The following CD69 variants were observed in gnomAD, a reference collection of about 807,000 sequenced individuals.
CD69 encodes the protein early activation antigen CD69.
A neutral mutation model predicts 21.4 loss-of-function variants in CD69; 10 were observed. The ratio of observed to expected loss-of-function variants is 0.47; its 90% confidence interval spans 0.29 to 0.79. The LOEUF (loss-of-function observed/expected upper bound fraction) is 0.79. CD69 is among the 30% of genes least tolerant of loss of function. The probability of loss-of-function intolerance (pLI) is 0.09; values close to 1 mark genes in which losing one functional copy is unlikely to be tolerated. For synonymous variants in CD69, 63 were observed against 78.2 expected (o/e 0.81, Z 1.03); for missense variants, 204 against 236.9 (o/e 0.86, Z 0.91).
At position 9,758,961 on chromosome 12, in the gene CD69, G is replaced by T. The variant is rs574555328; in HGVS notation, c.64+1796C>A. Among the ~76,000 whole-genome samples the T allele has an allele frequency of 2.7e-4, 41 of 151,614 alleles. No individual in the cohort carries two copies. The South Asian group carries it at 6.5e-3, about 24-fold the overall frequency. ...TATTTATTTTTTGAGACGGAGTCTCGCTCTGTCGTCCAGGCTGGAGTGCAG... is the reference window on the plus strand; with the variant it reads ...TATTTATTTTTTGAGACGGAGTCTCTCTCTGTCGTCCAGGCTGGAGTGCAG... On this transcript the variant is annotated intron_variant, in intron 1 of 4. Coordinates refer to ENST00000228434, the MANE Select transcript of CD69 (RefSeq NM_001781.2).
At chr12:9,757,284 A>G (rs1866687494) in intron 1 of CD69, among the ~76,000 whole-genome samples, 1 of 152,206 alleles carries the variant, frequency 6.6e-6, no homozygotes, top group African/African-American at 2.4e-5. Flanking sequence ...GTTGCTGCAG[A>G]TGTGGAGCAA....
chr12:9,756,320 A>G lies in CD69; in HGVS notation c.164T>C (p.Ile55Thr), dbSNP rs144675038. Reference protein sequence around the residue: ...VMNVVFITILIIALIALSVGQ... With the variant: ...VMNVVFITILTIALIALSVGQ... Reference sequence around the variant, plus strand: ...ACCTGATAAGGCAATGAGAGCTATGATTAAAATGGTGATGAAGACCACATT... The same window carrying G: ...ACCTGATAAGGCAATGAGAGCTATGGTTAAAATGGTGATGAAGACCACATT... The change falls in exon 2 of 5, where the codon ATC becomes ACC. Residue 55 changes from isoleucine (I) to threonine (T), a missense_variant. Transcript: ENST00000228434. 9.4e-5 allele frequency: 152 copies of G among 1,613,614 alleles called. No homozygotes were observed. The highest frequency in any genetic ancestry group is 1.2e-4 in the Non-Finnish European group (145 of 1,179,768).
At chr12:9,755,352 G>A in intron 2 of CD69, 91 bp from the exon 3 acceptor site, 1 of 1,044,292 alleles carries the variant, frequency 9.6e-7, no homozygotes, top group Non-Finnish European at 1.5e-6. Flanking sequence ...TGTTGTGCTA[G>A]GTGGTGATAA....
rs191540335 is a variant in CD69, at chr12:9,759,129, T to C, written c.64+1628A>G. Among the ~76,000 whole-genome samples the C allele has an allele frequency of 2.8e-3, 431 of 152,120 alleles. 3 individuals are homozygous for C. Among genetic ancestry groups the C allele is most frequent in the Middle Eastern group, 0.027 (8 of 292 alleles). On this transcript the variant is annotated intron_variant, in intron 1 of 4. Coordinates refer to ENST00000228434, the MANE Select transcript of CD69 (RefSeq NM_001781.2). ...TATTTTTAGTACAGACGGGGTTTCA[T>C]CGTGTTAGCCAGGATGGTCTCCATC...
intron 1 of CD69, among the ~76,000 whole-genome samples, chr12:9,757,976 G>C (rs1347230779): frequency 6.6e-6 from 1 of 151,980 alleles, no homozygotes. Context: ...TAAAATAATA[G>C]AGGAAATGTA....
rs78766644 is a variant in CD69 at position 9,759,905 on chromosome 12, G to A, written c.64+852C>T. ...GCAAAATCCCAGTAACAGGAAATAAGCTAGATATGTGGATAGAATAGACAA... is the reference window on the plus strand; with the variant it reads ...GCAAAATCCCAGTAACAGGAAATAAACTAGATATGTGGATAGAATAGACAA... On this transcript the variant is annotated intron_variant, in intron 1 of 4. Transcript: ENST00000228434. Among the ~76,000 whole-genome samples, 1,514 of 152,212 alleles carry A rather than the reference G, an allele frequency of 9.9e-3. 24 individuals carry two copies. The highest frequency in any genetic ancestry group is 0.035 in the African/African-American group (1,445 of 41,528).
intron 1 of CD69, among the ~76,000 whole-genome samples, chr12:9,758,843 T>A (rs1847114362): frequency 2.6e-5 from 4 of 152,142 alleles, no homozygotes; most frequent in African/African-American, 9.7e-5. Context: ...GGTTCCAGAG[T>A]CTCAGTCAGC....
At chr12:9,760,573 T>C (rs770947416) in intron 1 of CD69, among the ~76,000 whole-genome samples, 184 bp downstream of exon 1, 2 of 152,242 alleles carry the variant, frequency 1.3e-5, no homozygotes, top group Non-Finnish European at 2.9e-5. Context: ...CTGTCTTCTC[T>C]AAAAGACAAA....
chr12:9,753,739 C>A, intron 4 of CD69, 150 bp from the exon 5 acceptor site: 1 of 363,020 alleles, frequency 2.8e-6, no homozygotes, highest in East Asian at 3.9e-5. Context: ...TCTGTAGAGA[C>A]AATGGACAAG....
intron 1 of CD69, among the ~76,000 whole-genome samples, chr12:9,758,241 G>A (rs1866697892): frequency 6.6e-6 from 1 of 152,090 alleles, no homozygotes; most frequent in South Asian, 2.1e-4. Flanking sequence ...AATTTTGCAG[G>A]ATGAGCTGTC....
intron 1 of CD69, among the ~76,000 whole-genome samples, chr12:9,759,091 G>A (rs3136565): frequency 0.11 from 16,040 of 151,198 alleles, 853 homozygotes; most frequent in Middle Eastern, 0.18. Context: ...CCCCACGCCC[G>A]GCTAACTTTT....
chr12:9,756,562 G>T, intron 1 of CD69, 143 bp from the exon 2 acceptor site: 1 of 658,844 alleles, frequency 1.5e-6, no homozygotes, highest in Non-Finnish European at 2.4e-6. Flanking sequence ...AAATTTCTAA[G>T]TTAATTTACC....
rs144700824 is a variant in CD69, at chr12:9,754,627, G to C, written c.451C>G (p.His151Asp). ...TTGCCATTTGACCACTTCCATGGGT[G>C]ACCAGGTTCCTTTTTCAGTCCAACC... ...HWVGLKKEPGHPWKWSNGKEF... is the reference protein window; with the variant it reads ...HWVGLKKEPGDPWKWSNGKEF... Residue 151 changes from histidine (H) to aspartate (D), a missense_variant, in exon 4 of 5, where the codon CAC becomes GAC. Physicochemically the swap from His to Asp is moderately conservative, Grantham distance 81. Transcript: ENST00000228434. The C allele has an allele frequency of 2.9e-4, 472 of 1,612,612 alleles. 3 individuals are homozygous for C. The East Asian group carries it at 7.3e-3, about 25-fold the overall frequency.
At chr12:9,754,330 G>T (rs1866657644) in intron 4 of CD69, 1 of 250,446 alleles carries the variant, frequency 4.0e-6, no homozygotes, top group African/African-American at 2.3e-5. Context: ...AAATTAACCA[G>T]ATCTACTACT....
Position 9,753,522 on chromosome 12 carries a change from C to T in CD69, c.559G>A (p.Glu187Lys). 6.3e-7 allele frequency: 1 copy of T among 1,577,568 alleles called. No individual in the cohort carries two copies. Among genetic ancestry groups the T allele is most frequent in the South Asian group, 1.1e-5 (1 of 89,744 alleles). ...KNTEVSSMEC[E>K]KNLYWICNKP... Reference sequence around the variant, plus strand: ...TTACATATCCAGTATAAATTCTTCTCACATTCCATGCTGCTGACCTCTGTG... The same window carrying T: ...TTACATATCCAGTATAAATTCTTCTTACATTCCATGCTGCTGACCTCTGTG... The change falls in exon 5 of 5, where the codon GAG (glutamate) becomes AAG (lysine). Residue 187 changes from glutamate to lysine, a missense_variant. Glu to Lys is a moderately conservative substitution (Grantham distance 56, BLOSUM62 1). Coordinates refer to ENST00000228434, the MANE Select transcript of CD69 (RefSeq NM_001781.2).
Position 9,753,608 on chromosome 12 carries a change from A to G in CD69, c.492-19T>C. 2 of 1,189,136 alleles carry G rather than the reference A, an allele frequency of 1.7e-6. No individual in the cohort carries two copies. The highest frequency in any genetic ancestry group is 2.5e-6 in the Non-Finnish European group (2 of 812,618). 73.7% of individuals were successfully genotyped at this position (1,189,136 alleles called of 1,614,324 possible). A position where few individuals can be genotyped will look rare whatever the true frequency, so the allele number is the denominator to read the frequency against. On this transcript the variant is annotated intron_variant, in intron 4 of 4. Coordinates refer to ENST00000228434, the MANE Select transcript of CD69 (RefSeq NM_001781.2). ...GTTGAACCTGTCAAACAATAAAAAA[A>G]CTTAGAATTATTTTCAGCTCATTGT...
Position 9,756,339 on chromosome 12 carries a change from C to T in CD69, c.145G>A (p.Val49Ile), listed in dbSNP as rs1462435071. 2 of 1,613,220 alleles carry T rather than the reference C, an allele frequency of 1.2e-6. No individual in the cohort carries two copies. Among genetic ancestry groups the T allele is most frequent in the Admixed American group, 3.3e-5 (2 of 60,002 alleles). Residue 49 changes from valine to isoleucine, a missense_variant, in exon 2 of 5, where the codon GTC (valine) becomes ATC (isoleucine). Transcript: ENST00000228434. ...VPVLCAVMNV[V>I]FITILIIALI... is the part of the protein sequence containing the mutation. ...GCTATGATTAAAATGGTGATGAAGACCACATTCATTACAGCACACAGGACA... is the reference window on the plus strand; with the variant it reads ...GCTATGATTAAAATGGTGATGAAGATCACATTCATTACAGCACACAGGACA...
At chr12:9,759,838 A>G (rs1197328958) in intron 1 of CD69, among the ~76,000 whole-genome samples, 3 of 152,146 alleles carry the variant, frequency 2.0e-5, no homozygotes, top group African/African-American at 7.2e-5. Flanking sequence ...AAATAGAAAA[A>G]CTCAACAAAT....
intron 1 of CD69, among the ~76,000 whole-genome samples, chr12:9,758,990 C>T (rs2268143): frequency 0.17 from 26,174 of 151,310 alleles, 3,111 homozygotes; most frequent in African/African-American, 0.34. Flanking sequence ...AGTGCAGTTG[C>T]GTGATCTCGG....
Sources: allele counts gnomAD v4.1 joint callset (sites outside exome capture counted in the v4.1 genomes callset), GRCh38; gene constraint gnomAD v4.1.1; transcripts MANE v1.5; gene names NCBI Gene and HGNC (gene_info 2026-07-23, HGNC 2026-07-21).